Variants in PLK1 observed in about 807,000 individuals in gnomAD.
The protein encoded by PLK1 is serine/threonine-protein kinase PLK1.
Under a neutral mutation model 56.7 loss-of-function variants are expected in PLK1, and 6 were observed. The observed-to-expected ratio is 0.11, with a 90% CI of 0.06 to 0.21. The LOEUF (loss-of-function observed/expected upper bound fraction) is 0.21, where lower values mean the gene tolerates loss of function less well. Among genes scored for constraint, PLK1 ranks in the 10% least tolerant of loss-of-function variants. The probability of loss-of-function intolerance (pLI) is 1.00; values close to 1 mark genes in which losing one functional copy is unlikely to be tolerated. For missense variants in PLK1, 546 were observed against 814.4 expected (o/e 0.67, Z 4.01); for synonymous variants, 298 against 325.0 (o/e 0.92, Z 0.89).
chr16:23,684,967 T>G (rs1959403067), intron 5 of PLK1, among the ~76,000 whole-genome samples: 1 of 96,340 alleles, frequency 1.0e-5, no homozygotes, highest in South Asian at 3.8e-4. Flanking sequence ...CTTTTTTTTT[T>G]TTTTTTTTTT....
intron 5 of PLK1, among the ~76,000 whole-genome samples, chr16:23,684,957 C>A (rs74655816): frequency 1.8e-5 from 1 of 56,892 alleles, no homozygotes; most frequent in African/African-American, 6.8e-5. Context: ...CAGGCCCGGC[C>A]TTTTTTTTTT....
rs544248343 is a variant in PLK1 at position 23,690,036 on chromosome 16, G to A, written c.1785G>A (p.Ser595=). The A allele has an allele frequency of 7.3e-5, 118 of 1,611,640 alleles. 1 individual carries two copies. In the South Asian group the frequency reaches 9.2e-4, roughly 13 times the overall value. The change falls in exon 10 of 10, where the codon TCG becomes TCA. Residue 595 remains serine (S), a synonymous_variant. Transcript: ENST00000300093. ...TGGACAAGCTGCTGAGCTCACGCTC[G>A]GCCAGCAACCGTCTCAAGGCCTCCT... The part of the protein sequence containing the change: ...TMVDKLLSSR[S]ASNRLKAS
chr16:23,688,690 C>T lies in PLK1; in HGVS notation c.1215C>T (p.Cys405=). ...CAGAGGAGGCTGAGGATCCTGCCTG[C>T]ATCCCCATCTTCTGGGTCAGCAAGT... ...VRQEEAEDPA[C]IPIFWVSKWV... is the part of the protein sequence containing the mutation. The change falls in exon 7 of 10, where the codon TGC becomes TGT. Residue 405 remains cysteine, a synonymous_variant. Transcript: ENST00000300093. The T allele has an allele frequency of 6.2e-7, 1 of 1,613,848 alleles. No individual in the cohort carries two copies. The highest frequency in any genetic ancestry group is 2.2e-5 in the East Asian group (1 of 44,888).
At chr16:23,684,751 G>A (rs946819393) in intron 5 of PLK1, among the ~76,000 whole-genome samples, 1 of 151,674 alleles carries the variant, frequency 6.6e-6, no homozygotes, top group Non-Finnish European at 1.5e-5. Context: ...TCTGCCTCCC[G>A]GGTTCACGCC....
chr16:23,690,002 G>A lies in PLK1; in HGVS notation c.1751G>A (p.Arg584His), dbSNP rs573637165. ...KELASRLRYA[R>H]TMVDKLLSSR... ...CTGGCCAGCCGGCTCCGCTACGCCC[G>A]CACTATGGTGGACAAGCTGCTGAGC... Residue 584 changes from arginine (R) to histidine (H), a missense_variant, in exon 10 of 10, where the codon CGC becomes CAC. Transcript: ENST00000300093. 13 of 1,613,492 alleles carry A rather than the reference G, an allele frequency of 8.1e-6. No homozygotes were observed. Among genetic ancestry groups the A allele is most frequent in the South Asian group, 3.3e-5 (3 of 91,084 alleles).
rs150699764 is a variant in PLK1, at chr16:23,687,702, A to G, written c.1192+78A>G. On this transcript the variant is annotated intron_variant, in intron 6 of 9. Coordinates refer to ENST00000300093, the MANE Select transcript of PLK1 (RefSeq NM_005030.6). Reference sequence around the variant, plus strand: ...AGGCAGGAGGAGGCTTGGCCAACAAAGCACTGGTGACTTGTTCAGGCCCTG... The same window carrying G: ...AGGCAGGAGGAGGCTTGGCCAACAAGGCACTGGTGACTTGTTCAGGCCCTG... The G allele has an allele frequency of 7.7e-4, 842 of 1,100,136 alleles. 8 individuals are homozygous for G. The East Asian group carries it at 0.018, about 23-fold the overall frequency. The allele number at this position is 1,100,136 out of a possible 1,614,324, so 68.1% of individuals were successfully genotyped here.
Position 23,682,259 on chromosome 16 carries a change from C to G in PLK1, c.816+102C>G, listed in dbSNP as rs528570181. On this transcript the variant is annotated intron_variant, in intron 4 of 9. Transcript: ENST00000300093. Reference sequence around the variant, plus strand: ...GACCAGAAATAGGTCTATCCCACCTCTAAGGTAGCCACAGAGCTTGAGAGG... The same window carrying G: ...GACCAGAAATAGGTCTATCCCACCTGTAAGGTAGCCACAGAGCTTGAGAGG... 8 of 670,782 alleles carry G rather than the reference C, an allele frequency of 1.2e-5. No homozygotes were observed. In the African/African-American group the frequency reaches 1.3e-4, roughly 11 times the overall value. 41.6% of individuals were successfully genotyped at this position (670,782 alleles called of 1,614,324 possible).
In PLK1 at chr16:23,689,720, T is replaced by G; in HGVS notation, c.1608+44T>G. 2 of 1,568,862 alleles carry G rather than the reference T, an allele frequency of 1.3e-6. No homozygotes were observed. The highest frequency in any genetic ancestry group is 1.3e-5 in the African/African-American group (1 of 74,216). On this transcript the variant is annotated intron_variant, in intron 9 of 9. Coordinates refer to ENST00000300093, the MANE Select transcript of PLK1 (RefSeq NM_005030.6). This position sits in a 1 kb window ranked among gnomAD's most constrained non-coding sequence, Gnocchi z 4.8. ...GGCGCAGGAGAGAGCTGGGGTAGGCTCCGCATGCCTGGCAGTGGCCCATGT... is the reference window on the plus strand; with the variant it reads ...GGCGCAGGAGAGAGCTGGGGTAGGCGCCGCATGCCTGGCAGTGGCCCATGT...
chr16:23,680,334 C>A lies in PLK1; in HGVS notation c.577+82C>A, dbSNP rs538746078. Reference sequence around the variant, plus strand: ...AGGAGGCTGGGAGAAAGGAAGGAGACAACCCACAAGTCAGTATCTTGCCTA... The same window carrying A: ...AGGAGGCTGGGAGAAAGGAAGGAGAAAACCCACAAGTCAGTATCTTGCCTA... On this transcript the variant is annotated intron_variant, in intron 2 of 9. Coordinates refer to ENST00000300093, the MANE Select transcript of PLK1 (RefSeq NM_005030.6). The A allele has an allele frequency of 1.1e-5, 13 of 1,209,220 alleles. No individual in the cohort carries two copies. The South Asian group carries it at 1.5e-4, about 14-fold the overall frequency. The allele number at this position is 1,209,220 out of a possible 1,614,324, so 74.9% of individuals were successfully genotyped here.
In PLK1 at chr16:23,678,977, C is replaced by T; in HGVS notation, c.45C>T (p.Ala15=). The T allele has an allele frequency of 1.9e-6, 3 of 1,591,282 alleles. No individual in the cohort carries two copies. The highest frequency in any genetic ancestry group is 2.6e-6 in the Non-Finnish European group (3 of 1,169,400). Residue 15 remains alanine, a synonymous_variant, in exon 1 of 10, where the codon GCC becomes GCT. Transcript: ENST00000300093. ...VTAGKLARAP[A]DPGKAGVPGV... ...CAGGGAAGCTGGCACGGGCACCGGC[C>T]GACCCTGGGAAAGCCGGGGTCCCCG...
Position 23,681,149 on chromosome 16 carries a change from G to A in PLK1, c.722+91G>A, listed in dbSNP as rs539124338. ...GGCTGACCTTTTCTGTGGACCTTTC[G>A]GCCTGCTTTACAGAAAGCCTACTCC... On this transcript the variant is annotated intron_variant, in intron 3 of 9. Transcript: ENST00000300093. 6.2e-5 allele frequency: 72 copies of A among 1,164,664 alleles called. 1 individual carries two copies. The South Asian group carries it at 8.6e-4, about 14-fold the overall frequency. 72.1% of individuals were successfully genotyped at this position (1,164,664 alleles called of 1,614,324 possible).
chr16:23,684,981 T>G (rs1279178892), intron 5 of PLK1, among the ~76,000 whole-genome samples: 2 of 126,742 alleles, frequency 1.6e-5, no homozygotes, highest in African/African-American at 5.8e-5. Flanking sequence ...TTTTTTTTTT[T>G]TTTTTTTTTT....
chr16:23,683,362 C>G (rs1006804762), intron 4 of PLK1, among the ~76,000 whole-genome samples: 2 of 152,178 alleles, frequency 1.3e-5, no homozygotes, highest in Non-Finnish European at 2.9e-5. Flanking sequence ...AGAAGCCTAG[C>G]ACACAGCCAG....
chr16:23,684,808 C>T (rs1450728041), intron 5 of PLK1, among the ~76,000 whole-genome samples: 6 of 151,966 alleles, frequency 3.9e-5, no homozygotes, highest in African/African-American at 4.8e-5. Flanking sequence ...CAGGCGCCCA[C>T]CACCATGCCC....
intron 1 of PLK1, chr16:23,679,810 T>C: frequency 2.9e-6 from 1 of 348,936 alleles, no homozygotes; most frequent in Middle Eastern, 3.8e-4. Flanking sequence ...GGAGTGGGGC[T>C]GAGAGAGGAC....
intron 7 of PLK1, 110 bp downstream of exon 7, chr16:23,688,855 C>T: frequency 1.3e-6 from 1 of 789,684 alleles, no homozygotes; most frequent in Non-Finnish European, 2.3e-6. Context: ...CAGTGCCCTC[C>T]TCTCTCCATC....
At chr16:23,685,473 G>A (rs1196369661) in intron 5 of PLK1, among the ~76,000 whole-genome samples, 2 of 151,978 alleles carry the variant, frequency 1.3e-5, no homozygotes, top group South Asian at 2.1e-4. Context: ...TTGGGAGGCC[G>A]AGGTGGGTGG....
intron 4 of PLK1, among the ~76,000 whole-genome samples, chr16:23,682,384 C>A (rs1189610189): frequency 6.6e-6 from 1 of 151,940 alleles, no homozygotes; most frequent in Non-Finnish European, 1.5e-5. Context: ...ATTGGGTAAC[C>A]CAAAAGTTGT....
intron 1 of PLK1, 142 bp downstream of exon 1, chr16:23,679,482 C>T: frequency 4.1e-6 from 3 of 730,522 alleles, no homozygotes; most frequent in Non-Finnish European, 4.4e-6. Context: ...CTCCCGCTTA[C>T]GTATGGAAAG....
Sources: allele counts gnomAD v4.1 joint callset (sites outside exome capture counted in the v4.1 genomes callset), GRCh38; gene constraint gnomAD v4.1.1; non-coding constraint Gnocchi (gnomAD v3.1); transcripts MANE v1.5; gene names NCBI Gene and HGNC (gene_info 2026-07-23, HGNC 2026-07-21).